The following CUX2 variants were observed in gnomAD, a reference collection of about 807,000 sequenced individuals.
The protein encoded by CUX2 is homeobox protein cut-like 2.
CUX2 carries 40 observed loss-of-function variants against 144.8 expected under a neutral mutation model. That is an observed-to-expected ratio of 0.28 (90% CI 0.21 to 0.36). CUX2 has a LOEUF of 0.36. Among genes scored for constraint, CUX2 ranks in the 10% least tolerant of loss-of-function variants. The pLI is 1.00. For missense variants in CUX2, 1,615 were observed against 1,994.0 expected, an observed-to-expected ratio of 0.81 and a Z score of 3.62; for synonymous variants, 827 against 875.6, an observed-to-expected ratio of 0.94 and a Z score of 0.98.
At position 111,214,190 on chromosome 12, in the gene CUX2, ATTG is replaced by A; in HGVS notation, c.64-7_64-5del. On this transcript the variant is annotated splice_polypyrimidine_tract_variant and splice_region_variant and intron_variant, in intron 1 of 21. Transcript: ENST00000261726. ...CTCTCTCTCTTTTTTTTTTTTTTTT[ATTG>A]TTCCAGAAGGAGCTTAATTCCGTCG... is the stretch of plus-strand genomic sequence containing the variant. The A allele has an allele frequency of 1.2e-6, 1 of 853,486 alleles. No homozygotes were observed. Among genetic ancestry groups the A allele is most frequent in the Non-Finnish European group, 1.5e-6 (1 of 662,796 alleles). The allele number at this position is 853,486 out of a possible 1,614,324, so 52.9% of individuals were successfully genotyped here. A position where few individuals can be genotyped will look rare whatever the true frequency, so the allele number is the denominator to read the frequency against.
At chr12:111,265,172 G>A (rs1325753428) in intron 4 of CUX2, among the ~76,000 whole-genome samples, 1 of 152,036 alleles carries the variant, frequency 6.6e-6, no homozygotes, top group African/African-American at 2.4e-5. Context: ...AGAGTTCCTG[G>A]GAGGGGCCTC....
chr12:111,150,607 ATCT>A (rs1326557712), intron 1 of CUX2, among the ~76,000 whole-genome samples: 5 of 152,218 alleles, frequency 3.3e-5, no homozygotes, highest in Admixed American at 3.3e-4. Context: ...GGAGCCTGAA[ATCT>A]TCATCTTACT....
intron 3 of CUX2, among the ~76,000 whole-genome samples, chr12:111,256,543 G>A (rs1202348572): frequency 1.3e-5 from 2 of 152,118 alleles, no homozygotes; most frequent in African/African-American, 4.8e-5. Context: ...CAGTGGTAGA[G>A]GGAGGCTGCT....
intron 1 of CUX2, among the ~76,000 whole-genome samples, chr12:111,100,464 C>T (rs2136067452): frequency 6.6e-6 from 1 of 151,938 alleles, no homozygotes; most frequent in Admixed American, 6.6e-5. Flanking sequence ...GGTCTTGGCC[C>T]TCTGTGTCTT....
chr12:111,214,424 T>G, intron 2 of CUX2, 114 bp downstream of exon 2: 1 of 622,190 alleles, frequency 1.6e-6, no homozygotes, highest in Non-Finnish European at 2.7e-6. Context: ...AGAAGCTAAT[T>G]AGCCACAAAG....
chr12:111,341,502 T>C (rs1203814164), intron 20 of CUX2, among the ~76,000 whole-genome samples: 3 of 152,166 alleles, frequency 2.0e-5, no homozygotes, highest in Admixed American at 2.0e-4. Flanking sequence ...CTGTTTCAAG[T>C]GCTTCCTATG....
intron 1 of CUX2, among the ~76,000 whole-genome samples, chr12:111,167,376 C>T (rs1878212708): frequency 6.6e-6 from 1 of 152,172 alleles, no homozygotes; most frequent in Non-Finnish European, 1.5e-5. Flanking sequence ...AGCTTGTGCC[C>T]CTAAGTAGAC....
chr12:111,341,046 A>G (rs942151958), intron 20 of CUX2, among the ~76,000 whole-genome samples: 1 of 152,206 alleles, frequency 6.6e-6, no homozygotes, highest in African/African-American at 2.4e-5. Context: ...TTTCTACAGA[A>G]AGTATAAAAA....
intron 1 of CUX2, among the ~76,000 whole-genome samples, chr12:111,127,635 A>G (rs776406199): frequency 2.0e-5 from 3 of 152,366 alleles, no homozygotes; most frequent in South Asian, 2.1e-4. Context: ...CCAGCAAAGT[A>G]TAAGGCCACA....
rs544235396 is a variant in CUX2, at chr12:111,196,675, A to G, written c.64-17525A>G. Among the ~76,000 whole-genome samples, 87 of 152,282 alleles carry G rather than the reference A, an allele frequency of 5.7e-4. 1 individual carries two copies. The highest frequency in any genetic ancestry group is 2.1e-3 in the African/African-American group (86 of 41,556). ...CATGTAGATGATATATATCTGAACC[A>G]TCCTGTACGGTAGCCACTACCCGTT... On this transcript the variant is annotated intron_variant, in intron 1 of 21. Transcript: ENST00000261726.
At chr12:111,264,899 T>C (rs887601825) in intron 4 of CUX2, among the ~76,000 whole-genome samples, 63 of 151,488 alleles carry the variant, frequency 4.2e-4, no homozygotes, top group Admixed American at 3.3e-4. Flanking sequence ...TAGATAAGAG[T>C]CGATTGTTGG....
chr12:111,312,265 G>A lies in CUX2; in HGVS notation c.2002+64G>A. On this transcript the variant is annotated intron_variant, in intron 16 of 21. Transcript: ENST00000261726. The surrounding 1 kb of genome is among the most constrained non-coding windows in gnomAD (Gnocchi z 4.3). ...GGGCCAGCTGCGAACAGGAGATGAG[G>A]CTTCGTCTACCTTTGTCCACCCCAG... The A allele has an allele frequency of 7.1e-7, 1 of 1,415,294 alleles. No homozygotes were observed. Among genetic ancestry groups the A allele is most frequent in the Non-Finnish European group, 9.7e-7 (1 of 1,029,596 alleles). 87.7% of individuals were successfully genotyped at this position (1,415,294 alleles called of 1,614,324 possible). A position where few individuals can be genotyped will look rare whatever the true frequency, so the allele number is the denominator to read the frequency against.
At chr12:111,070,710 A>G (rs1175184255) in intron 1 of CUX2, among the ~76,000 whole-genome samples, 1 of 152,086 alleles carries the variant, frequency 6.6e-6, no homozygotes, top group African/African-American at 2.4e-5. Flanking sequence ...CCATCATAGT[A>G]TCATACCTAG....
intron 1 of CUX2, among the ~76,000 whole-genome samples, chr12:111,042,154 C>T (rs537147609): frequency 5.1e-4 from 77 of 152,364 alleles, no homozygotes; most frequent in African/African-American, 1.6e-3. Flanking sequence ...GGGGGCCCAA[C>T]GGTGCTTAAG....
intron 1 of CUX2, among the ~76,000 whole-genome samples, chr12:111,086,055 C>A (rs568457617): frequency 3.3e-4 from 51 of 152,332 alleles, no homozygotes; most frequent in African/African-American, 1.2e-3. Flanking sequence ...AGCATAATTC[C>A]TAGGTCCCTT....
intron 1 of CUX2, among the ~76,000 whole-genome samples, chr12:111,062,676 A>G (rs1241799781): frequency 1.3e-5 from 2 of 152,190 alleles, no homozygotes; most frequent in East Asian, 3.8e-4. Context: ...AAATAATCAC[A>G]TATTTGAAGT....
chr12:111,121,758 T>C (rs1280956232), intron 1 of CUX2, among the ~76,000 whole-genome samples: 2 of 152,012 alleles, frequency 1.3e-5, no homozygotes, highest in Non-Finnish European at 2.9e-5. Context: ...GAAATATGAC[T>C]GTATAAGTTA....
intron 1 of CUX2, among the ~76,000 whole-genome samples, chr12:111,174,757 A>T (rs1592803356): frequency 6.6e-6 from 1 of 152,296 alleles, no homozygotes; most frequent in Admixed American, 6.5e-5. Flanking sequence ...GGACATCACC[A>T]CCCGTGAACC....
intron 1 of CUX2, among the ~76,000 whole-genome samples, chr12:111,088,924 G>A (rs1191236874): frequency 6.6e-6 from 1 of 152,134 alleles, no homozygotes; most frequent in Non-Finnish European, 1.5e-5. Flanking sequence ...GTCATCTTGG[G>A]TTTCCCACCT....
Sources: gnomAD v4.1 joint callset for allele counts (sites outside exome capture counted in the v4.1 genomes callset) on GRCh38, gnomAD v4.1.1 for gene constraint, Gnocchi (gnomAD v3.1) non-coding constraint, MANE v1.5 for transcripts, NCBI Gene and HGNC (gene_info 2026-07-23, HGNC 2026-07-21) for gene names.